AMZ2: variants seen among roughly 807,000 people sequenced by gnomAD.
The protein encoded by AMZ2 is archaelysin family metallopeptidase 2.
In AMZ2, 26 loss-of-function variants were observed where a neutral mutation model predicts 36.7. The ratio of observed to expected loss-of-function variants is 0.71; its 90% confidence interval spans 0.52 to 0.98. The LOEUF (loss-of-function observed/expected upper bound fraction) is 0.98. AMZ2 is among the 50% of genes least tolerant of loss of function. The pLI, the probability that AMZ2 is intolerant of heterozygous loss-of-function variation, is 0.00. For synonymous variants in AMZ2, 144 were observed against 149.1 expected, an observed-to-expected ratio of 0.97 and a Z score of 0.25; for missense variants, 394 against 430.5, an observed-to-expected ratio of 0.92 and a Z score of 0.75.
chr17:68,250,599 C>T, intron 2 of AMZ2, 129 bp downstream of exon 2: 9 of 1,324,302 alleles, frequency 6.8e-6, no homozygotes, highest in Non-Finnish European at 9.3e-6. Context: ...TGCGGCGGTA[C>T]AAGTTTTGTA....
At position 68,213,205 on chromosome 17, in the gene AMZ2, A is replaced by G. The variant is rs140246542; in HGVS notation, c.-67+6967A>G. On this transcript the variant is annotated intron_variant, in intron 1 of 7. Transcript: ENST00000674770. ...GGCTGCAAGCTGCATTTGCCAGACA[A>G]TGGTTTTAGATTTGCTGTGCACGCT... 7.6e-3 allele frequency among the ~76,000 whole-genome samples: 1,154 copies of G among 152,346 alleles called. 10 individuals are homozygous for G. Among genetic ancestry groups the G allele is most frequent in the Non-Finnish European group, 0.012 (787 of 68,030 alleles).
At chr17:68,244,372 C>T (rs1261995630), upstream of AMZ2, among the ~76,000 whole-genome samples, 7 of 152,162 alleles carry the variant, frequency 4.6e-5, no homozygotes, top group African/African-American at 1.2e-4. Context: ...CTGCAACCTC[C>T]GCCTCCTGGG....
At chr17:68,225,759 A>G (rs1555729732) in intron 1 of AMZ2, among the ~76,000 whole-genome samples, 1 of 152,000 alleles carries the variant, frequency 6.6e-6, no homozygotes, top group African/African-American at 2.4e-5. Context: ...AGTAGCTGGG[A>G]TTACAGGTGC....
intron 1 of AMZ2, among the ~76,000 whole-genome samples, chr17:68,217,033 A>C (rs1386194118): frequency 1.8e-5 from 1 of 55,816 alleles, no homozygotes; most frequent in Non-Finnish European, 3.0e-5. Flanking sequence ...ACTCCGTCTC[A>C]AAAAAAAAAA....
At position 68,235,280 on chromosome 17, in the gene AMZ2, G is replaced by A. The variant is rs1222828112; in HGVS notation, c.-66-13360G>A. On this transcript the variant is annotated intron_variant, in intron 1 of 7. Transcript: ENST00000674770. The surrounding 1 kb of genome is among the most constrained non-coding windows in gnomAD (Gnocchi z 4.2). ...GTTTTTGCCTTTGGGCTTTTGCCAT[G>A]CCTGGTTATTGGGCACCTTCTGGTA... 6.6e-6 allele frequency among the ~76,000 whole-genome samples: 1 copy of A among 152,228 alleles called. No homozygotes were observed. The highest frequency in any genetic ancestry group is 2.4e-5 in the African/African-American group (1 of 41,452).
rs1378936034 is a variant in AMZ2, at chr17:68,248,721, G to C, written c.-1+16G>C. On this transcript the variant is annotated intron_variant, in intron 1 of 6. Transcript: ENST00000359904. ...CCTAATCAAGGTAGGTAGACTACAG[G>C]AAGGTACATCTTGTTTTATATTTTG... is the stretch of plus-strand genomic sequence containing the variant. The C allele has an allele frequency of 1.0e-6, 1 of 988,316 alleles. No individual in the cohort carries two copies. Among genetic ancestry groups the C allele is most frequent in the African/African-American group, 1.7e-5 (1 of 57,338 alleles). The allele number at this position is 988,316 out of a possible 1,614,324, so 61.2% of individuals were successfully genotyped here.
At chr17:68,244,580 C>T (rs148777068), upstream of AMZ2, among the ~76,000 whole-genome samples, 98 of 152,272 alleles carry the variant, frequency 6.4e-4, no homozygotes, top group African/African-American at 2.2e-3. Context: ...AGCCACCTCG[C>T]CCAGCCTGTA....
chr17:68,209,632 A>ATATATTT lies in AMZ2; in HGVS notation c.-67+3395_-67+3396insATATTTT. ...TATGTATATATATATATATATATAT[A>ATATATTT]TTTTTTTTTTTTTTTATACAGAGTC... On this transcript the variant is annotated intron_variant, in intron 1 of 7. Coordinates refer to the AMZ2 transcript ENST00000674770. 5.2e-4 allele frequency among the ~76,000 whole-genome samples: 47 copies of ATATATTT among 90,684 alleles called. 1 individual carries two copies. The highest frequency in any genetic ancestry group is 1.2e-3 in the East Asian group (3 of 2,414). 59.5% of individuals were successfully genotyped at this position (90,684 alleles called of 152,430 possible). A position where few individuals can be genotyped will look rare whatever the true frequency, so the allele number is the denominator to read the frequency against.
intron 4 of AMZ2, among the ~76,000 whole-genome samples, chr17:68,251,598 T>C (rs1386310166): frequency 1.3e-5 from 2 of 152,024 alleles, no homozygotes; most frequent in East Asian, 3.9e-4. Flanking sequence ...GCCCAGGAGG[T>C]TGAGGCTGCA....
rs781970715 is a variant in AMZ2, at chr17:68,255,885, G to C, written c.927+9G>C. On this transcript the variant is annotated intron_variant, in intron 6 of 6. Transcript: ENST00000359904. ...TTGTAGAAAGATACAAAGTAAGTTG[G>C]GGGGTGGACAGTCTAAAGAGGGGGA... 8.1e-6 allele frequency: 13 copies of C among 1,613,722 alleles called. No individual in the cohort carries two copies. Among genetic ancestry groups the C allele is most frequent in the East Asian group, 6.7e-5 (3 of 44,878 alleles).
In AMZ2 at chr17:68,219,273, C is replaced by A. The variant is rs528184931; in HGVS notation, c.-67+13035C>A. Among the ~76,000 whole-genome samples, 213 of 152,274 alleles carry A rather than the reference C, an allele frequency of 1.4e-3. 1 individual carries two copies. Among genetic ancestry groups the A allele is most frequent in the Non-Finnish European group, 2.3e-3 (157 of 68,018 alleles). On this transcript the variant is annotated intron_variant, in intron 1 of 7. Transcript: ENST00000674770. ...AGCCACCGTGCCCAGCTGCATCAGC[C>A]TTTTTCTAACCGGCCTTCCCTTCCA... is the stretch of plus-strand genomic sequence containing the variant.
intron 1 of AMZ2, among the ~76,000 whole-genome samples, chr17:68,240,634 G>T (rs1442843763): frequency 2.0e-5 from 3 of 152,188 alleles, no homozygotes; most frequent in African/African-American, 4.8e-5. Flanking sequence ...GCCACAAAAT[G>T]AATGGGAAGA....
At chr17:68,250,159 A>G (rs781824255) in intron 1 of AMZ2, 29 bp from the exon 2 acceptor site, 15 of 1,597,636 alleles carry the variant, frequency 9.4e-6, no homozygotes, top group Non-Finnish European at 1.3e-5. Context: ...ATGTATTTTT[A>G]TATTTGATTA....
chr17:68,243,432 G>GC, upstream of AMZ2, among the ~76,000 whole-genome samples: 1 of 152,200 alleles, frequency 6.6e-6, no homozygotes, highest in Admixed American at 6.5e-5. Flanking sequence ...ACTGTGCCCA[G>GC]CTGAGAAATG....
At chr17:68,227,034 C>T (rs1483105657) in intron 1 of AMZ2, among the ~76,000 whole-genome samples, 4 of 151,382 alleles carry the variant, frequency 2.6e-5, no homozygotes, top group African/African-American at 9.8e-5. Flanking sequence ...TCTATGGCTT[C>T]GGGCACCGAG....
intron 1 of AMZ2, among the ~76,000 whole-genome samples, chr17:68,212,191 C>T (rs191076656): frequency 6.0e-4 from 92 of 152,144 alleles, no homozygotes; most frequent in Admixed American, 2.3e-3. Flanking sequence ...GGCAACATAT[C>T]GACACCCCCT....
In AMZ2 at chr17:68,223,903, T is replaced by A. The variant is rs1456642921; in HGVS notation, c.-67+17665T>A. Among the ~76,000 whole-genome samples the A allele has an allele frequency of 3.4e-4, 50 of 148,500 alleles. 1 individual carries two copies. The Middle Eastern group carries it at 0.014, about 43-fold the overall frequency. On this transcript the variant is annotated intron_variant, in intron 1 of 7. Coordinates refer to the AMZ2 transcript ENST00000674770. ...GCTAATTTATATATATATATATTTT[T>A]TTTTGAAACGGAGTCTCGCTCTGTC...
chr17:68,226,895 G>A (rs1435224574), intron 1 of AMZ2, among the ~76,000 whole-genome samples: 3 of 147,588 alleles, frequency 2.0e-5, no homozygotes, highest in Non-Finnish European at 3.0e-5. Context: ...GGAGCAAGCT[G>A]CCACTTCCTA....
At chr17:68,210,672 G>A (rs558116544) in intron 1 of AMZ2, among the ~76,000 whole-genome samples, 1 of 152,278 alleles carries the variant, frequency 6.6e-6, no homozygotes, top group South Asian at 2.1e-4. Context: ...AGACAACCAG[G>A]TGTGGTAGCT....
Sources: gnomAD v4.1 joint callset for allele counts (sites outside exome capture counted in the v4.1 genomes callset) on GRCh38, gnomAD v4.1.1 for gene constraint, Gnocchi (gnomAD v3.1) non-coding constraint, MANE v1.5 for transcripts, NCBI Gene and HGNC (gene_info 2026-07-23, HGNC 2026-07-21) for gene names.